The following IGF1 variants were observed in gnomAD, a reference collection of about 807,000 sequenced individuals.
IGF1 encodes insulin like growth factor 1, also known as insulin-like growth factor 1.
IGF1 carries 4 observed loss-of-function variants against 13.8 expected under a neutral mutation model. That is an observed-to-expected ratio of 0.29 (90% CI 0.14 to 0.66). The LOEUF is 0.66. Ranked by LOEUF, IGF1 falls within the 30% of genes least tolerant of loss-of-function variation. The pLI, the probability that IGF1 is intolerant of heterozygous loss-of-function variation, is 0.78. For missense variants in IGF1, 124 were observed against 188.5 expected, an observed-to-expected ratio of 0.66 and a Z score of 2.00; for synonymous variants, 76 against 72.6, an observed-to-expected ratio of 1.05 and a Z score of -0.23.
intron 2 of IGF1, among the ~76,000 whole-genome samples, chr12:102,427,367 A>G (rs542359976): frequency 1.5e-3 from 222 of 152,340 alleles, no homozygotes; most frequent in African/African-American, 5.1e-3. Context: ...AACATAAGGC[A>G]TTCGTGAGTC....
At position 102,458,730 on chromosome 12, in the gene IGF1, C is replaced by CAAAAAAAAAAAAAAAA. The variant is rs397825972; in HGVS notation, c.220+16897_220+16912dup. 4.5e-4 allele frequency among the ~76,000 whole-genome samples: 33 copies of CAAAAAAAAAAAAAAAA among 73,350 alleles called. 1 individual carries two copies. Among genetic ancestry groups the CAAAAAAAAAAAAAAAA allele is most frequent in the East Asian group, 2.6e-3 (5 of 1,956 alleles). 48.1% of individuals were successfully genotyped at this position (73,350 alleles called of 152,430 possible). ...TTAAGCAGATGGTAGGAACACTGAC[C>CAAAAAAAAAAAAAAAA]AAAAAAAAAAAAAAAAACCAAAAAC... On this transcript the variant is annotated intron_variant, in intron 2 of 3. Transcript: ENST00000337514.
At chr12:102,477,620 G>A (rs933632548) in intron 1 of IGF1, among the ~76,000 whole-genome samples, 2 of 150,000 alleles carry the variant, frequency 1.3e-5, no homozygotes, top group East Asian at 2.0e-4. Context: ...CAACCCACCT[G>A]GACCTCGTGG....
intron 2 of IGF1, among the ~76,000 whole-genome samples, chr12:102,468,582 A>G (rs1163023545): frequency 6.6e-6 from 1 of 152,228 alleles, no homozygotes; most frequent in Non-Finnish European, 1.5e-5. Context: ...TATGTTTTAA[A>G]CATGATCTCA....
At chr12:102,448,778 G>T in intron 2 of IGF1, among the ~76,000 whole-genome samples, 1 of 150,626 alleles carries the variant, frequency 6.6e-6, no homozygotes, top group East Asian at 1.9e-4. Context: ...CGTATATGCA[G>T]CCATCGGACA....
At chr12:102,437,460 T>A (rs2137076689) in intron 2 of IGF1, among the ~76,000 whole-genome samples, 1 of 152,396 alleles carries the variant, frequency 6.6e-6, no homozygotes, top group Admixed American at 6.5e-5. Flanking sequence ...TTTGATGTAA[T>A]CCCATTTGTC....
intron 2 of IGF1, among the ~76,000 whole-genome samples, chr12:102,433,567 A>G (rs1349566530): frequency 2.0e-5 from 3 of 152,126 alleles, no homozygotes; most frequent in Non-Finnish European, 2.9e-5. Flanking sequence ...TCTTAACTGT[A>G]TATTAGCCTT....
chr12:102,450,125 A>T (rs567499870), intron 2 of IGF1, among the ~76,000 whole-genome samples: 5 of 152,156 alleles, frequency 3.3e-5, no homozygotes, highest in African/African-American at 9.6e-5. Context: ...CATATAGTAG[A>T]TTTTCTACAG....
chr12:102,419,880 C>G (rs1423842446), intron 2 of IGF1, among the ~76,000 whole-genome samples, 190 bp from the exon 3 acceptor site: 2 of 152,176 alleles, frequency 1.3e-5, no homozygotes, highest in African/African-American at 4.8e-5. Flanking sequence ...CTCCCGGAGT[C>G]TGTACCACAC....
chr12:102,455,303 A>T (rs1879297406), intron 2 of IGF1, among the ~76,000 whole-genome samples: 1 of 152,256 alleles, frequency 6.6e-6, no homozygotes, highest in African/African-American at 2.4e-5. Context: ...GCATAATGTC[A>T]GCCTTCTGAT....
chr12:102,462,287 G>C (rs1879962034), intron 2 of IGF1, among the ~76,000 whole-genome samples: 1 of 152,158 alleles, frequency 6.6e-6, no homozygotes, highest in African/African-American at 2.4e-5. Flanking sequence ...TTTTCTAAGA[G>C]ATAGACTTTT....
chr12:102,471,011 G>T (rs570142893), intron 2 of IGF1, among the ~76,000 whole-genome samples: 2 of 152,132 alleles, frequency 1.3e-5, no homozygotes, highest in Admixed American at 1.3e-4. Flanking sequence ...TTCATGAAGC[G>T]TGTGCTTCTT....
intron 3 of IGF1, among the ~76,000 whole-genome samples, chr12:102,403,880 G>A (rs958826656): frequency 6.6e-6 from 1 of 152,066 alleles, no homozygotes; most frequent in African/African-American, 2.4e-5. Context: ...TATTGCAGGT[G>A]CTCAATAAAT....
At chr12:102,426,834 A>T (rs542646147) in intron 2 of IGF1, among the ~76,000 whole-genome samples, 3 of 152,266 alleles carry the variant, frequency 2.0e-5, no homozygotes, top group East Asian at 1.9e-4. Flanking sequence ...TATTTCTCTC[A>T]TCTCTCTCTA....
chr12:102,472,078 A>C (rs936490698), intron 2 of IGF1, among the ~76,000 whole-genome samples: 1 of 152,142 alleles, frequency 6.6e-6, no homozygotes. Flanking sequence ...ATGTGCTTTC[A>C]TCTCCATTAT....
At chr12:102,410,492 A>G (rs1874545305) in intron 3 of IGF1, among the ~76,000 whole-genome samples, 1 of 152,220 alleles carries the variant, frequency 6.6e-6, no homozygotes, top group Admixed American at 6.5e-5. Context: ...GCTATGTGCT[A>G]AAGATTCAGC....
chr12:102,480,515 T>C lies in IGF1; in HGVS notation c.-134A>G. The C allele has an allele frequency of 6.5e-7, 1 of 1,528,388 alleles. No individual in the cohort carries two copies. Among genetic ancestry groups the C allele is most frequent in the Non-Finnish European group, 8.8e-7 (1 of 1,138,140 alleles). The allele number at this position is 1,528,388 out of a possible 1,614,324, so 94.7% of individuals were successfully genotyped here. A position where few individuals can be genotyped will look rare whatever the true frequency, so the allele number is the denominator to read the frequency against. On this transcript the variant is annotated 5_prime_UTR_variant, in exon 1 of 4. Transcript: ENST00000337514. ...GAGGACTTTATTCCATTGCGCAGGC[T>C]CTATCTGCTCTGAATTTAGCAGTGA... is the stretch of plus-strand genomic sequence containing the variant.
At chr12:102,404,574 A>G (rs546586774) in intron 3 of IGF1, among the ~76,000 whole-genome samples, 1 of 152,304 alleles carries the variant, frequency 6.6e-6, no homozygotes, top group African/African-American at 2.4e-5. Context: ...CTCAGTGACC[A>G]CTGCAAAAAG....
At chr12:102,419,304 C>T (rs1565969908) in intron 3 of IGF1, among the ~76,000 whole-genome samples, 1 of 152,332 alleles carries the variant, frequency 6.6e-6, no homozygotes, top group Admixed American at 6.5e-5. Context: ...ATCTTCCAAT[C>T]ATCACATCGT....
At chr12:102,422,568 A>G (rs1279866777) in intron 2 of IGF1, among the ~76,000 whole-genome samples, 2 of 152,178 alleles carry the variant, frequency 1.3e-5, no homozygotes, top group African/African-American at 2.4e-5. Flanking sequence ...CAAATGCTAC[A>G]TATTGTTTAT....
Sources: gnomAD v4.1 joint callset for allele counts (sites outside exome capture counted in the v4.1 genomes callset) on GRCh38, gnomAD v4.1.1 for gene constraint, MANE v1.5 for transcripts, NCBI Gene and HGNC (gene_info 2026-07-23, HGNC 2026-07-21) for gene names.